The following STK4 variants were observed in gnomAD, a reference collection of about 807,000 sequenced individuals.
STK4 encodes serine/threonine kinase 4, also known as serine/threonine-protein kinase 4.
In STK4, 30 loss-of-function variants were observed where a neutral mutation model predicts 64.9. The ratio of observed to expected loss-of-function variants is 0.46; its 90% CI spans 0.35 to 0.63. The LOEUF is 0.63. Among genes scored for constraint, STK4 ranks in the 20% least tolerant of loss-of-function variants. STK4 has a pLI of 0.01. For missense variants in STK4, 466 were observed against 598.5 expected (o/e 0.78, Z 2.31); for synonymous variants, 177 against 199.0 (o/e 0.89, Z 0.93).
intron 4 of STK4, among the ~76,000 whole-genome samples, chr20:44,983,964 A>G (rs1568689065): frequency 1.3e-5 from 2 of 152,100 alleles, no homozygotes; most frequent in Non-Finnish European, 2.9e-5. Flanking sequence ...CATAAGATAT[A>G]TGTAAAGAAG....
rs1290018146 is a variant in STK4 at position 45,077,371 on chromosome 20, G to A, written c.*2195G>A. ...CACACCCCTGCACCATTTGCTGTGCGAATTAATAGTTCTGTCTCTCTCTCT... is the reference window on the plus strand; with the variant it reads ...CACACCCCTGCACCATTTGCTGTGCAAATTAATAGTTCTGTCTCTCTCTCT... On this transcript the variant is annotated 3_prime_UTR_variant, in exon 11 of 11. Transcript: ENST00000372806. The A allele has an allele frequency of 6.6e-6, 1 of 151,336 alleles. No individual in the cohort carries two copies. Among genetic ancestry groups the A allele is most frequent in the Non-Finnish European group, 1.5e-5 (1 of 67,738 alleles). The allele number at this position is 151,336 out of a possible 1,614,324, so 9.4% of individuals were successfully genotyped here.
intron 3 of STK4, 113 bp from the exon 4 acceptor site, chr20:44,981,716 C>G: frequency 3.3e-6 from 2 of 612,482 alleles, no homozygotes; most frequent in East Asian, 2.9e-5. Context: ...TTATCCTTAA[C>G]TATGAATAAT....
chr20:44,988,553 A>G lies in STK4; in HGVS notation c.525+1257A>G, dbSNP rs1193256767. ...TGTGTGTATATATATATATATATAT[A>G]TATATATATATATATGTATCCATTC... is the stretch of plus-strand genomic sequence containing the variant. On this transcript the variant is annotated intron_variant, in intron 5 of 10. Coordinates refer to ENST00000372806, the MANE Select transcript of STK4 (RefSeq NM_006282.5). Among the ~76,000 whole-genome samples the G allele has an allele frequency of 3.4e-4, 38 of 112,594 alleles. 1 individual carries two copies. Among genetic ancestry groups the G allele is most frequent in the African/African-American group, 5.7e-4 (20 of 34,930 alleles). 73.9% of individuals were successfully genotyped at this position (112,594 alleles called of 152,430 possible).
intron 10 of STK4, among the ~76,000 whole-genome samples, chr20:45,039,947 T>C (rs185887691): frequency 6.6e-6 from 1 of 152,142 alleles, no homozygotes; most frequent in African/African-American, 2.4e-5. Context: ...TAGTTTGGTC[T>C]TATAGAGTCC....
Position 45,007,561 on chromosome 20 carries a change from CA to C in STK4, c.1147+6216del, listed in dbSNP as rs1003893360. 1.1e-4 allele frequency among the ~76,000 whole-genome samples: 17 copies of C among 149,888 alleles called. No individual in the cohort carries two copies. The East Asian group carries it at 2.3e-3, about 21-fold the overall frequency. On this transcript the variant is annotated intron_variant, in intron 9 of 10. Transcript: ENST00000372806. ...GACTCCATCTCAAAAAACAAACAAA[CA>C]AAAAAAAGAAAGCACTTCAGAGTCT... is the stretch of plus-strand genomic sequence containing the variant.
chr20:45,007,477 G>T (rs748811320), intron 9 of STK4, among the ~76,000 whole-genome samples: 3 of 152,078 alleles, frequency 2.0e-5, no homozygotes, highest in Non-Finnish European at 4.4e-5. Flanking sequence ...AACCCAGGAG[G>T]TGGAGGTTGC....
intron 10 of STK4, among the ~76,000 whole-genome samples, chr20:45,050,313 G>A (rs936401534): frequency 1.3e-5 from 2 of 152,124 alleles, no homozygotes; most frequent in East Asian, 3.8e-4. Flanking sequence ...TTTATGAGCA[G>A]ACTGTTGAGT....
At chr20:45,043,755 C>T (rs909210224) in intron 10 of STK4, among the ~76,000 whole-genome samples, 2 of 152,142 alleles carry the variant, frequency 1.3e-5, no homozygotes, top group African/African-American at 4.8e-5. Flanking sequence ...TCAAAATCCT[C>T]CAAAATCCAA....
chr20:45,074,353 AACTT>A (rs1980335017), intron 10 of STK4, among the ~76,000 whole-genome samples: 1 of 152,190 alleles, frequency 6.6e-6, no homozygotes, highest in African/African-American at 2.4e-5. Context: ...GGATGATAGA[AACTT>A]AATCTCAGAA....
intron 10 of STK4, among the ~76,000 whole-genome samples, chr20:45,030,604 A>ATAT (rs1209198019): frequency 6.6e-6 from 1 of 152,182 alleles, no homozygotes; most frequent in African/African-American, 2.4e-5. Context: ...CTGAAACTGA[A>ATAT]TATTTGTCTC....
chr20:44,989,925 T>TAA (rs2145672402), intron 5 of STK4, among the ~76,000 whole-genome samples: 1 of 152,302 alleles, frequency 6.6e-6, no homozygotes, highest in African/African-American at 2.4e-5. Flanking sequence ...ACCAGTTCTG[T>TAA]GCTGTCTTGA....
intron 9 of STK4, among the ~76,000 whole-genome samples, chr20:45,005,083 T>G (rs1688284248): frequency 6.6e-6 from 1 of 152,072 alleles, no homozygotes; most frequent in Non-Finnish European, 1.5e-5. Context: ...CTTTCTTTCC[T>G]TCTGTTGGAT....
chr20:44,967,292 A>T (rs951307125), intron 1 of STK4: 1 of 957,570 alleles, frequency 1.0e-6, no homozygotes, highest in East Asian at 1.1e-4. Flanking sequence ...AAATAAGAGG[A>T]TATTTTCGAG....
At chr20:45,039,727 T>C (rs1309512137) in intron 10 of STK4, among the ~76,000 whole-genome samples, 1 of 152,124 alleles carries the variant, frequency 6.6e-6, no homozygotes, top group Non-Finnish European at 1.5e-5. Flanking sequence ...AGACATGAAC[T>C]TTTTTACTAC....
rs568353829 is a variant in STK4 at position 45,075,393 on chromosome 20, T to C, written c.*217T>C. 16 of 496,826 alleles carry C rather than the reference T, an allele frequency of 3.2e-5. No individual in the cohort carries two copies. In the Admixed American group the frequency reaches 4.7e-4, roughly 15 times the overall value. 30.8% of individuals were successfully genotyped at this position (496,826 alleles called of 1,614,324 possible). ...TGGTCAGGTATATTATCTCAAAGGA[T>C]TTATATTGGCGCTTTTAACTCAGAG... On this transcript the variant is annotated 3_prime_UTR_variant, in exon 11 of 11. Transcript: ENST00000372806.
In STK4 at chr20:44,988,533, G is replaced by GTATATATATATA. The variant is rs71197589; in HGVS notation, c.525+1261_525+1272dup. On this transcript the variant is annotated intron_variant, in intron 5 of 10. Transcript: ENST00000372806. The stretch of plus-strand genomic sequence containing the variant: ...TGTGTGTGTATATATATGTGTGTGT[G>GTATATATATATA]TATATATATATATATATATATATAT... 4.9e-3 allele frequency among the ~76,000 whole-genome samples: 494 copies of GTATATATATATA among 101,458 alleles called. 7 individuals are homozygous for GTATATATATATA. Among genetic ancestry groups the GTATATATATATA allele is most frequent in the East Asian group, 0.013 (37 of 2,944 alleles). 66.6% of individuals were successfully genotyped at this position (101,458 alleles called of 152,430 possible).
At chr20:45,068,067 A>G (rs1979735539) in intron 10 of STK4, among the ~76,000 whole-genome samples, 1 of 152,212 alleles carries the variant, frequency 6.6e-6, no homozygotes, top group South Asian at 2.1e-4. Flanking sequence ...GATGCATGAC[A>G]TTATGTTATA....
rs78593186 is a variant in STK4, at chr20:45,019,913, T to C, written c.1148-5060T>C. On this transcript the variant is annotated intron_variant, in intron 9 of 10. Transcript: ENST00000372806. ...CTGCTGTCCAGCACACTTGATCATC[T>C]ATCTAGCTAACGGGTGCTGAAAGAA... Among the ~76,000 whole-genome samples, 7 of 152,326 alleles carry C rather than the reference T, an allele frequency of 4.6e-5. No homozygotes were observed. The East Asian group carries it at 5.8e-4, about 13-fold the overall frequency.
chr20:45,058,132 A>G (rs1041001701), intron 10 of STK4, among the ~76,000 whole-genome samples: 1 of 152,058 alleles, frequency 6.6e-6, no homozygotes, highest in Non-Finnish European at 1.5e-5. Flanking sequence ...GACACTGTAG[A>G]GAGTTCAAGT....
Sources: allele counts gnomAD v4.1 joint callset (sites outside exome capture counted in the v4.1 genomes callset), GRCh38; gene constraint gnomAD v4.1.1; transcripts MANE v1.5; gene names NCBI Gene and HGNC (gene_info 2026-07-23, HGNC 2026-07-21).